The following ARIH1 variants were observed in gnomAD, a reference collection of about 807,000 sequenced individuals.
ARIH1 encodes E3 ubiquitin-protein ligase ARIH1.
Under a neutral mutation model 85.0 loss-of-function variants are expected in ARIH1, and 8 were observed. The ratio of observed to expected loss-of-function variants is 0.09; its 90% confidence interval spans 0.06 to 0.17. The LOEUF (loss-of-function observed/expected upper bound fraction) is 0.17, where lower values mean the gene tolerates loss of function less well. Ranked by LOEUF, ARIH1 falls within the 10% of genes least tolerant of loss-of-function variation. The probability of loss-of-function intolerance (pLI) is 1.00; values close to 1 mark genes in which losing one functional copy is unlikely to be tolerated. For missense variants in ARIH1, 311 were observed against 718.1 expected (o/e 0.43, Z 6.48); for synonymous variants, 238 against 253.6 (o/e 0.94, Z 0.59).
At chr15:72,535,186 C>T (rs977759824) in intron 2 of ARIH1, among the ~76,000 whole-genome samples, 4 of 151,414 alleles carry the variant, frequency 2.6e-5, no homozygotes, top group Admixed American at 6.6e-5. Context: ...CTCCTGACCT[C>T]GTGATCCACC....
intron 1 of ARIH1, among the ~76,000 whole-genome samples, chr15:72,486,235 A>ATTT (rs1280184175): frequency 6.6e-6 from 1 of 152,186 alleles, no homozygotes; most frequent in Non-Finnish European, 1.5e-5. Flanking sequence ...CAGTCTGAAA[A>ATTT]TATTAAATAG....
rs2064237132 is a variant in ARIH1 at position 72,570,247 on chromosome 15, A to G, written c.1097A>G (p.Asn366Ser). Residue 366 changes from asparagine (N) to serine (S), a missense_variant, in exon 10 of 14, where the codon AAT becomes AGT. By Grantham distance (46) the Asn-to-Ser change is conservative. Around this residue, in one of 3 missense-constraint regions of ARIH1, gnomAD observed 50 missense variants for 311.7 expected, o/e 0.16. Transcript: ENST00000379887. Reference protein sequence around the residue: ...GCNHMVCRNQNCKAEFCWVCL... With the variant: ...GCNHMVCRNQSCKAEFCWVCL... Reference sequence around the variant, plus strand: ...AATCACATGGTCTGTCGTAACCAGAATTGTAAAGCAGAGTTTTGCTGGGTG... The same window carrying G: ...AATCACATGGTCTGTCGTAACCAGAGTTGTAAAGCAGAGTTTTGCTGGGTG... The G allele has an allele frequency of 6.2e-7, 1 of 1,614,004 alleles. No homozygotes were observed. Among genetic ancestry groups the G allele is most frequent in the Admixed American group, 1.7e-5 (1 of 59,992 alleles).
rs1327987678 is a variant in ARIH1, at chr15:72,587,562, A to T, written c.*4270A>T. On this transcript the variant is annotated 3_prime_UTR_variant, in exon 14 of 14. Transcript: ENST00000379887. ...GAAATTGTTACAGGATGCACAGAACATCCCATATCCATTGGATCTCAGCCT... is the reference window on the plus strand; with the variant it reads ...GAAATTGTTACAGGATGCACAGAACTTCCCATATCCATTGGATCTCAGCCT... The T allele has an allele frequency of 1.1e-5, 2 of 183,614 alleles. No homozygotes were observed. Among genetic ancestry groups the T allele is most frequent in the African/African-American group, 4.8e-5 (2 of 41,760 alleles). 11.4% of individuals were successfully genotyped at this position (183,614 alleles called of 1,614,324 possible). A position where few individuals can be genotyped will look rare whatever the true frequency, so the allele number is the denominator to read the frequency against.
intron 11 of ARIH1, among the ~76,000 whole-genome samples, chr15:72,577,818 A>T (rs899881827): frequency 4.6e-5 from 7 of 152,186 alleles, no homozygotes; most frequent in Non-Finnish European, 7.4e-5. Flanking sequence ...GATTCAGGAG[A>T]TGCAGGCACA....
intron 1 of ARIH1, among the ~76,000 whole-genome samples, chr15:72,478,305 G>T (rs1262212338): frequency 6.6e-6 from 1 of 151,176 alleles, no homozygotes; most frequent in East Asian, 2.0e-4. Flanking sequence ...TTAGTAGAGA[G>T]GGGGTTTCAC....
In ARIH1 at chr15:72,498,961, A is replaced by ATTTTTTT. The variant is rs535261674; in HGVS notation, c.376-19075_376-19069dup. Among the ~76,000 whole-genome samples, 14 of 88,430 alleles carry ATTTTTTT rather than the reference A, an allele frequency of 1.6e-4. 3 individuals carry two copies. The highest frequency in any genetic ancestry group is 4.0e-4 in the South Asian group (1 of 2,504). The allele number at this position is 88,430 out of a possible 152,430, so 58.0% of individuals were successfully genotyped here. A position where few individuals can be genotyped will look rare whatever the true frequency, so the allele number is the denominator to read the frequency against. On this transcript the variant is annotated intron_variant, in intron 1 of 13. Transcript: ENST00000379887. ...TTATGTCGTTTGCACCTTTTCATAA[A>ATTTTTTT]TTTTTTTTTTTTTTTTTTTTTTTTT...
In ARIH1 at chr15:72,549,090, T is replaced by C. The variant is rs560953180; in HGVS notation, c.588+4126T>C. Among the ~76,000 whole-genome samples the C allele has an allele frequency of 5.1e-4, 68 of 133,346 alleles. 1 individual carries two copies. The highest frequency in any genetic ancestry group is 2.1e-3 in the Admixed American group (30 of 14,236). 87.5% of individuals were successfully genotyped at this position (133,346 alleles called of 152,430 possible). ...TCGACTACAGCGTCTCTCTCTCTCT[T>C]TTTTTTTTTTTTTTTGAGGCAGAGC... is the stretch of plus-strand genomic sequence containing the variant. On this transcript the variant is annotated intron_variant, in intron 3 of 13. Transcript: ENST00000379887.
chr15:72,593,375 A>G lies in ARIH1; in HGVS notation c.*10083A>G, dbSNP rs2064350536. Reference sequence around the variant, plus strand: ...TCGATGAACAAATTTTTTTTATAAAATCCACTTTATCAGTTTTTTATTTTA... The same window carrying G: ...TCGATGAACAAATTTTTTTTATAAAGTCCACTTTATCAGTTTTTTATTTTA... On this transcript the variant is annotated 3_prime_UTR_variant, in exon 14 of 14. Transcript: ENST00000379887. 6.6e-6 allele frequency: 1 copy of G among 152,160 alleles called. No individual in the cohort carries two copies. Among genetic ancestry groups the G allele is most frequent in the Admixed American group, 6.5e-5 (1 of 15,282 alleles). 9.4% of individuals were successfully genotyped at this position (152,160 alleles called of 1,614,324 possible). A position where few individuals can be genotyped will look rare whatever the true frequency, so the allele number is the denominator to read the frequency against.
intron 2 of ARIH1, among the ~76,000 whole-genome samples, chr15:72,530,426 G>A (rs2064050898): frequency 6.6e-6 from 1 of 152,160 alleles, no homozygotes; most frequent in Non-Finnish European, 1.5e-5. Context: ...TCTACTAAGA[G>A]CGAAAATTGA....
At position 72,529,869 on chromosome 15, in the gene ARIH1, G is replaced by GTATTT. The variant is rs1409292049; in HGVS notation, c.443+11736_443+11737insATTTT. On this transcript the variant is annotated intron_variant, in intron 2 of 13. Transcript: ENST00000379887. Reference sequence around the variant, plus strand: ...AAATGGTTGGAAATGTTTAATGCACGTTATAAGGGCCTTGAATTTTAAGTA... The same window carrying GTATTT: ...AAATGGTTGGAAATGTTTAATGCACGTATTTTTATAAGGGCCTTGAATTTTAAGTA... Among the ~76,000 whole-genome samples, 14 of 152,286 alleles carry GTATTT rather than the reference G, an allele frequency of 9.2e-5. 1 individual carries two copies. The East Asian group carries it at 2.7e-3, about 29-fold the overall frequency.
At chr15:72,518,720 G>C (rs780217993) in intron 2 of ARIH1, among the ~76,000 whole-genome samples, 1 of 151,636 alleles carries the variant, frequency 6.6e-6, no homozygotes, top group Non-Finnish European at 1.5e-5. Context: ...CCTGGGAGGC[G>C]GAGGTTGCAG....
intron 1 of ARIH1, among the ~76,000 whole-genome samples, chr15:72,480,371 C>T (rs946026882): frequency 6.6e-6 from 1 of 151,584 alleles, no homozygotes; most frequent in African/African-American, 2.4e-5. Context: ...AAGCGATTCT[C>T]CTGCTTCAGC....
At chr15:72,558,805 C>T (rs1004742560) in intron 5 of ARIH1, among the ~76,000 whole-genome samples, 6 of 152,162 alleles carry the variant, frequency 3.9e-5, no homozygotes, top group Non-Finnish European at 8.8e-5. Flanking sequence ...TTTGCTCTCA[C>T]GTCCTGGTGG....
chr15:72,474,530 C>A lies in ARIH1; in HGVS notation c.-110C>A. 7.4e-7 allele frequency: 1 copy of A among 1,352,616 alleles called. No individual in the cohort carries two copies. The highest frequency in any genetic ancestry group is 2.9e-5 in the Admixed American group (1 of 33,968). 83.8% of individuals were successfully genotyped at this position (1,352,616 alleles called of 1,614,324 possible). On this transcript the variant is annotated 5_prime_UTR_variant, in exon 1 of 14. Coordinates refer to ENST00000379887, the MANE Select transcript of ARIH1 (RefSeq NM_005744.5). ...GGAGCCGCGGCTCGCGGGGCCGGAG[C>A]CAGGCCTGCGTCCGGACATCAGCCG...
At position 72,592,899 on chromosome 15, in the gene ARIH1, T is replaced by C. The variant is rs2064348644; in HGVS notation, c.*9607T>C. ...TTACACAGCCTTTTGTTTTTGTTTT[T>C]TGTGGATATACATCTTCACTTGTCT... On this transcript the variant is annotated 3_prime_UTR_variant, in exon 14 of 14. Coordinates refer to ENST00000379887, the MANE Select transcript of ARIH1 (RefSeq NM_005744.5). The C allele has an allele frequency of 6.6e-6, 1 of 152,214 alleles. No individual in the cohort carries two copies. Among genetic ancestry groups the C allele is most frequent in the Non-Finnish European group, 1.5e-5 (1 of 68,024 alleles). 9.4% of individuals were successfully genotyped at this position (152,214 alleles called of 1,614,324 possible).
At chr15:72,541,266 G>A (rs2064106147) in intron 2 of ARIH1, among the ~76,000 whole-genome samples, 1 of 152,250 alleles carries the variant, frequency 6.6e-6, no homozygotes, top group South Asian at 2.1e-4. Context: ...AGGCATGCAA[G>A]CCCTGCCTCA....
intron 9 of ARIH1, among the ~76,000 whole-genome samples, chr15:72,567,938 C>A (rs1185196006): frequency 6.6e-6 from 1 of 152,064 alleles, no homozygotes; most frequent in Non-Finnish European, 1.5e-5. Flanking sequence ...TGAACTGTTG[C>A]CTCAGTCATC....
intron 1 of ARIH1, among the ~76,000 whole-genome samples, chr15:72,480,073 G>T (rs1034477316): frequency 1.3e-5 from 2 of 151,236 alleles, no homozygotes; most frequent in Non-Finnish European, 3.0e-5. Context: ...GTTTCACCAT[G>T]TTAGCCAGGA....
chr15:72,574,737 G>T (rs554634269), intron 11 of ARIH1, among the ~76,000 whole-genome samples: 12 of 152,206 alleles, frequency 7.9e-5, no homozygotes, highest in African/African-American at 2.9e-4. Flanking sequence ...TGCAAAAGCA[G>T]CCATAGACTT....
Sources: gnomAD v4.1 joint callset for allele counts (sites outside exome capture counted in the v4.1 genomes callset) on GRCh38, gnomAD v4.1.1 for gene constraint, gnomAD v4.1.1 regional missense constraint, MANE v1.5 for transcripts, NCBI Gene and HGNC (gene_info 2026-07-23, HGNC 2026-07-21) for gene names.